The following NME7 variants were observed in gnomAD, a reference collection of about 807,000 sequenced individuals.
NME7 encodes the protein NME/NM23 family member 7.
Under a neutral mutation model 49.1 loss-of-function variants are expected in NME7, and 41 were observed. The observed-to-expected ratio is 0.83, with a 90% CI of 0.65 to 1.08. The LOEUF is 1.08. Among genes scored for constraint, NME7 ranks in the 50% least tolerant of loss-of-function variants. NME7 has a pLI of 0.00. For synonymous variants in NME7, 139 were observed against 150.6 expected, an observed-to-expected ratio of 0.92 and a Z score of 0.56; for missense variants, 423 against 463.4, an observed-to-expected ratio of 0.91 and a Z score of 0.80.
chr1:169,296,581 A>T (rs1650717246), intron 6 of NME7, among the ~76,000 whole-genome samples: 1 of 152,102 alleles, frequency 6.6e-6, no homozygotes, highest in South Asian at 2.1e-4. Flanking sequence ...TTATGTGCTG[A>T]TAACTCTAAG....
intron 10 of NME7, among the ~76,000 whole-genome samples, chr1:169,201,776 A>T (rs1455779181): frequency 6.6e-6 from 1 of 152,182 alleles, no homozygotes; most frequent in Admixed American, 6.5e-5. Context: ...CCAGTTAGAA[A>T]CATGGATCTG....
intron 7 of NME7, among the ~76,000 whole-genome samples, chr1:169,267,889 T>C (rs892806561): frequency 2.2e-5 from 3 of 133,586 alleles, no homozygotes; most frequent in African/African-American, 7.6e-5. Flanking sequence ...TGGCAAAGAT[T>C]TCATGACAAA....
chr1:169,366,991 C>T (rs560563008), intron 1 of NME7, among the ~76,000 whole-genome samples: 2 of 151,960 alleles, frequency 1.3e-5, no homozygotes, highest in Non-Finnish European at 2.9e-5. Flanking sequence ...TAACTAGAAC[C>T]CTCTCAAACA....
intron 11 of NME7, among the ~76,000 whole-genome samples, chr1:169,135,189 A>C (rs957236450): frequency 5.9e-5 from 9 of 152,022 alleles, no homozygotes; most frequent in African/African-American, 2.2e-4. Context: ...ACAAAAACAA[A>C]AAAAACAACC....
At chr1:169,141,103 CTTG>C (rs1658581127) in intron 11 of NME7, among the ~76,000 whole-genome samples, 1 of 151,980 alleles carries the variant, frequency 6.6e-6, no homozygotes, top group African/African-American at 2.4e-5. Context: ...AAATGCAGAT[CTTG>C]TTGACAAATG....
At position 169,276,711 on chromosome 1, in the gene NME7, T is replaced by C. The variant is rs935663059; in HGVS notation, c.754+10592A>G. 8.2e-5 allele frequency among the ~76,000 whole-genome samples: 11 copies of C among 133,440 alleles called. 1 individual carries two copies. Among genetic ancestry groups the C allele is most frequent in the African/African-American group, 2.8e-4 (11 of 39,468 alleles). 87.5% of individuals were successfully genotyped at this position (133,440 alleles called of 152,430 possible). ...TTCAGTTCTGCTCTGATCTTAGTTA[T>C]TTCTTGCCTTCTGCTAGCTTTTGAA... On this transcript the variant is annotated intron_variant, in intron 7 of 11. Transcript: ENST00000367811.
At chr1:169,150,365 T>C (rs955739230) in intron 11 of NME7, among the ~76,000 whole-genome samples, 1 of 152,176 alleles carries the variant, frequency 6.6e-6, no homozygotes, top group Non-Finnish European at 1.5e-5. Flanking sequence ...GTAAATACAT[T>C]GCATTTAATG....
chr1:169,314,964 C>T (rs964738174), intron 3 of NME7, among the ~76,000 whole-genome samples: 7 of 151,998 alleles, frequency 4.6e-5, no homozygotes, highest in Non-Finnish European at 1.0e-4. Context: ...AAGATGGTCT[C>T]TTCATAGTAA....
intron 10 of NME7, among the ~76,000 whole-genome samples, chr1:169,195,901 G>A (rs1660368121): frequency 6.6e-6 from 1 of 152,162 alleles, no homozygotes; most frequent in Admixed American, 6.5e-5. Context: ...ATGTTTAGAA[G>A]CTAATACTTA....
chr1:169,237,671 G>A lies in NME7; in HGVS notation c.771C>T (p.Ile257=). The change falls in exon 8 of 12, where the codon ATC becomes ATT. Residue 257 remains isoleucine (I), a synonymous_variant. Transcript: ENST00000367811. The part of the protein sequence containing the change: ...HAVSEGLLGK[I]LMAIRDAGFE... ...AACCTGCATCTCGGATAGCCATCAG[G>A]ATCTTTCCCAACAGTCCTGAAAATG... The A allele has an allele frequency of 6.2e-7, 1 of 1,610,294 alleles. No individual in the cohort carries two copies. Among genetic ancestry groups the A allele is most frequent in the Non-Finnish European group, 8.5e-7 (1 of 1,177,594 alleles).
At position 169,268,285 on chromosome 1, in the gene NME7, A is replaced by G. The variant is rs527549068; in HGVS notation, c.754+19018T>C. 1.1e-4 allele frequency among the ~76,000 whole-genome samples: 15 copies of G among 133,974 alleles called. 5 individuals carry two copies. Among genetic ancestry groups the G allele is most frequent in the East Asian group, 6.0e-4 (3 of 5,018 alleles). 87.9% of individuals were successfully genotyped at this position (133,974 alleles called of 152,430 possible). A position where few individuals can be genotyped will look rare whatever the true frequency, so the allele number is the denominator to read the frequency against. On this transcript the variant is annotated intron_variant, in intron 7 of 11. Transcript: ENST00000367811. ...ATGGCTATTACTAAAAAGTCAAAAA[A>G]TAACAGATGCTGGTTAGGTGGTGGA...
intron 1 of NME7, among the ~76,000 whole-genome samples, chr1:169,349,923 T>C (rs1653089555): frequency 6.6e-6 from 1 of 151,998 alleles, no homozygotes; most frequent in Admixed American, 6.6e-5. Context: ...CTCCATGGTG[T>C]CTCATGCCTG....
chr1:169,140,288 G>GA (rs1182009606), intron 11 of NME7, among the ~76,000 whole-genome samples: 1 of 152,016 alleles, frequency 6.6e-6, no homozygotes, highest in Non-Finnish European at 1.5e-5. Flanking sequence ...TTAATCAGTA[G>GA]AAAGAACAGA....
At chr1:169,350,272 A>AGGAAGGAAGGAT (rs1653114192) in intron 1 of NME7, among the ~76,000 whole-genome samples, 1 of 151,388 alleles carries the variant, frequency 6.6e-6, no homozygotes, top group Non-Finnish European at 1.5e-5. Flanking sequence ...GAAGGAAGGA[A>AGGAAGGAAGGAT]GGAAGGAAGG....
chr1:169,215,614 C>G (rs1660954286), intron 10 of NME7, among the ~76,000 whole-genome samples: 1 of 151,592 alleles, frequency 6.6e-6, no homozygotes, highest in Non-Finnish European at 1.5e-5. Flanking sequence ...TTCAAGGTTG[C>G]TAAATACTAG....
In NME7 at chr1:169,264,409, A is replaced by G. The variant is rs79800869; in HGVS notation, c.754+22894T>C. On this transcript the variant is annotated intron_variant, in intron 7 of 11. Coordinates refer to ENST00000367811, the MANE Select transcript of NME7 (RefSeq NM_013330.5). ...AACAGAAATAGAGACAAATCTACCAAACAAACGGAAAACAGAAAAAAGCAG... is the reference window on the plus strand; with the variant it reads ...AACAGAAATAGAGACAAATCTACCAGACAAACGGAAAACAGAAAAAAGCAG... Among the ~76,000 whole-genome samples the G allele has an allele frequency of 7.9e-3, 1,056 of 134,164 alleles. 143 individuals are homozygous for G. Among genetic ancestry groups the G allele is most frequent in the African/African-American group, 0.025 (988 of 39,692 alleles). 88.0% of individuals were successfully genotyped at this position (134,164 alleles called of 152,430 possible).
chr1:169,305,512 CT>C (rs763527006), intron 4 of NME7, among the ~76,000 whole-genome samples: 3 of 152,180 alleles, frequency 2.0e-5, no homozygotes, highest in Non-Finnish European at 2.9e-5. Flanking sequence ...GTGAGTTTCT[CT>C]CTTCTAACTT....
chr1:169,319,021 A>T (rs183675476), intron 3 of NME7, among the ~76,000 whole-genome samples: 2,285 of 139,466 alleles, frequency 0.016, 58 homozygotes, highest in African/African-American at 0.053. Flanking sequence ...TATTAAAATT[A>T]AATTTAATTT....
At chr1:169,139,086 A>G (rs1359885803) in intron 11 of NME7, among the ~76,000 whole-genome samples, 2 of 152,200 alleles carry the variant, frequency 1.3e-5, no homozygotes, top group East Asian at 3.9e-4. Context: ...TGTAATGATT[A>G]AAAAGGTATT....
Sources: gnomAD v4.1 joint callset for allele counts (sites outside exome capture counted in the v4.1 genomes callset) on GRCh38, gnomAD v4.1.1 for gene constraint, MANE v1.5 for transcripts, NCBI Gene and HGNC (gene_info 2026-07-23, HGNC 2026-07-21) for gene names.